Variants in RB1 observed in about 807,000 individuals in gnomAD.
The protein encoded by RB1 is RB transcriptional corepressor 1.
In RB1, 18 loss-of-function variants were observed where a neutral mutation model predicts 135.4. The observed-to-expected ratio is 0.13, with a 90% confidence interval of 0.09 to 0.20. The LOEUF (loss-of-function observed/expected upper bound fraction) is 0.20. Ranked by LOEUF, RB1 falls within the 10% of genes least tolerant of loss-of-function variation. The probability of loss-of-function intolerance (pLI) is 1.00; values close to 1 mark genes in which losing one functional copy is unlikely to be tolerated. For missense variants in RB1, 868 were observed against 1,110.0 expected (o/e 0.78, Z 3.10); for synonymous variants, 365 against 373.2 (o/e 0.98, Z 0.25).
chr13:48,396,177 C>CTATA (rs1948646567), intron 17 of RB1, among the ~76,000 whole-genome samples: 1 of 152,030 alleles, frequency 6.6e-6, no homozygotes, highest in African/African-American at 2.4e-5. Context: ...TAAAAAGAGC[C>CTATA]CATATAGCCG....
At chr13:48,464,441 G>T (rs1418612516) in intron 21 of RB1, among the ~76,000 whole-genome samples, 1 of 152,060 alleles carries the variant, frequency 6.6e-6, no homozygotes, top group Non-Finnish European at 1.5e-5. Flanking sequence ...TATATCAGAG[G>T]CATCTGATAT....
chr13:48,375,771 G>A (rs1952815195), intron 12 of RB1, among the ~76,000 whole-genome samples: 2 of 151,678 alleles, frequency 1.3e-5, no homozygotes, highest in Non-Finnish European at 2.9e-5. Context: ...TGGAGATGGT[G>A]TTTCACAATG....
Position 48,380,147 on chromosome 13 carries a change from T to G in RB1, c.1422-18T>G, listed in dbSNP as rs1250915993. 1.3e-6 allele frequency: 1 copy of G among 776,914 alleles called. No individual in the cohort carries two copies. The highest frequency in any genetic ancestry group is 3.6e-5 in the Admixed American group (1 of 27,504). The allele number at this position is 776,914 out of a possible 1,614,324, so 48.1% of individuals were successfully genotyped here. On this transcript the variant is annotated intron_variant, in intron 15 of 26. Coordinates refer to ENST00000267163, the MANE Select transcript of RB1 (RefSeq NM_000321.3). ...TTATAGAAGTAAGTATTTTATAATC[T>G]TTTTTTTTTTCCTTTAGCAAACTTC...
intron 20 of RB1, 150 bp from the exon 21 acceptor site, chr13:48,463,581 G>T (rs1257339075): frequency 1.3e-5 from 8 of 624,500 alleles, no homozygotes; most frequent in Non-Finnish European, 5.8e-6. Flanking sequence ...AACACTTCAT[G>T]TAGACTTTCA....
At chr13:48,402,308 T>A (rs1032534015) in intron 17 of RB1, among the ~76,000 whole-genome samples, 4 of 151,496 alleles carry the variant, frequency 2.6e-5, no homozygotes, top group Non-Finnish European at 4.4e-5. Context: ...GTTTGCACAT[T>A]TCAGTTCCAA....
rs191143044 is a variant in RB1, at chr13:48,461,157, A to C, written c.2106+1324A>C. ...AGAAAGAAACTCCATACCCTCAAGC[A>C]GTCACCCCCTATTCCCCTACCCCCT... On this transcript the variant is annotated intron_variant, in intron 20 of 26. Coordinates refer to ENST00000267163, the MANE Select transcript of RB1 (RefSeq NM_000321.3). Among the ~76,000 whole-genome samples the C allele has an allele frequency of 3.5e-4, 54 of 152,178 alleles. No individual in the cohort carries two copies. The East Asian group carries it at 9.7e-3, about 27-fold the overall frequency.
intron 17 of RB1, among the ~76,000 whole-genome samples, chr13:48,446,768 G>T (rs1949290777): frequency 6.6e-6 from 1 of 152,238 alleles, no homozygotes; most frequent in South Asian, 2.1e-4. Context: ...AGATGACCAG[G>T]ATGGCTGGAG....
At chr13:48,347,710 T>C in intron 4 of RB1, 115 bp from the exon 5 acceptor site, 2 of 694,662 alleles carry the variant, frequency 2.9e-6, no homozygotes, top group East Asian at 2.8e-5. Context: ...ATGCTATATA[T>C]TTTTTGTTTT....
intron 17 of RB1, among the ~76,000 whole-genome samples, chr13:48,392,814 T>C (rs963091200): frequency 6.6e-6 from 1 of 152,110 alleles, no homozygotes; most frequent in Non-Finnish European, 1.5e-5. Context: ...GCTTGGTGAT[T>C]TTTTTGTTAG....
At chr13:48,349,175 C>T (rs1952524891) in intron 6 of RB1, 152 bp downstream of exon 6, 1 of 742,112 alleles carries the variant, frequency 1.3e-6, no homozygotes, top group Admixed American at 3.9e-5. Flanking sequence ...TCCTATAATT[C>T]TGGTACTAGA....
At chr13:48,409,570 ATTTTTTTT>A (rs5803435) in intron 17 of RB1, among the ~76,000 whole-genome samples, 1 of 59,668 alleles carries the variant, frequency 1.7e-5, no homozygotes, top group Non-Finnish European at 2.9e-5. Flanking sequence ...GAACTGCTTG[ATTTTTTTT>A]TTTTTTTTTT....
intron 17 of RB1, among the ~76,000 whole-genome samples, chr13:48,439,381 TGA>T (rs901390025): frequency 1.1e-4 from 17 of 152,124 alleles, no homozygotes; most frequent in Admixed American, 1.1e-3. Context: ...AGTGAGGTAG[TGA>T]GAGAAATAAA....
At chr13:48,411,874 TC>T (rs750748080) in intron 17 of RB1, 1 of 1,613,852 alleles carries the variant, frequency 6.2e-7, no homozygotes, top group South Asian at 1.1e-5. Flanking sequence ...AAAATTACAA[TC>T]CTTGAGAGAT....
Position 48,480,141 on chromosome 13 carries a change from A to T in RB1, c.*70A>T. ...TTGTCTCTCACAGATGTGACTGTAT[A>T]ACTTTCCCAGGTTCTGTTTATGGCC... On this transcript the variant is annotated 3_prime_UTR_variant, in exon 27 of 27. Coordinates refer to ENST00000267163, the MANE Select transcript of RB1 (RefSeq NM_000321.3). The T allele has an allele frequency of 1.5e-6, 2 of 1,345,232 alleles. No homozygotes were observed. Among genetic ancestry groups the T allele is most frequent in the Non-Finnish European group, 2.1e-6 (2 of 942,668 alleles). The allele number at this position is 1,345,232 out of a possible 1,614,324, so 83.3% of individuals were successfully genotyped here. A position where few individuals can be genotyped will look rare whatever the true frequency, so the allele number is the denominator to read the frequency against.
At chr13:48,472,298 A>G (rs1949475760) in intron 23 of RB1, among the ~76,000 whole-genome samples, 1 of 152,104 alleles carries the variant, frequency 6.6e-6, no homozygotes, top group Admixed American at 6.6e-5. Flanking sequence ...AAAATTTCAA[A>G]CTCTACAGAA....
chr13:48,304,942 C>G (rs1200971349), intron 1 of RB1, among the ~76,000 whole-genome samples: 1 of 152,008 alleles, frequency 6.6e-6, no homozygotes, highest in Admixed American at 6.6e-5. Flanking sequence ...TTTTCGTTTT[C>G]CCTTATTAAG....
At chr13:48,378,172 T>C (rs1952846056) in intron 13 of RB1, among the ~76,000 whole-genome samples, 1 of 152,218 alleles carries the variant, frequency 6.6e-6, no homozygotes, top group Admixed American at 6.5e-5. Context: ...TAAACATTTT[T>C]TCTTTCTTCA....
At chr13:48,379,689 CGG>C in intron 14 of RB1, 39 bp downstream of exon 14, 1 of 1,581,668 alleles carries the variant, frequency 6.3e-7, no homozygotes, top group South Asian at 1.1e-5. Flanking sequence ...CAGCCGGGCG[CGG>C]TGGCTCACGC....
chr13:48,342,413 G>A (rs1458434492), intron 2 of RB1, among the ~76,000 whole-genome samples, 186 bp from the exon 3 acceptor site: 1 of 151,730 alleles, frequency 6.6e-6, no homozygotes, highest in Non-Finnish European at 1.5e-5. Context: ...TTGAATGTTT[G>A]TTATTAGTGT....
Sources: allele counts gnomAD v4.1 joint callset (sites outside exome capture counted in the v4.1 genomes callset), GRCh38; gene constraint gnomAD v4.1.1; transcripts MANE v1.5; gene names NCBI Gene and HGNC (gene_info 2026-07-23, HGNC 2026-07-21).